Variants in ZP3 observed in about 807,000 individuals in gnomAD.
ZP3 encodes the protein zona pellucida sperm-binding protein 3.
In ZP3, 21 loss-of-function variants were observed where a neutral mutation model predicts 35.6. The ratio of observed to expected loss-of-function variants is 0.59; its 90% CI spans 0.42 to 0.85. The LOEUF (loss-of-function observed/expected upper bound fraction) is 0.85. Ranked by LOEUF, ZP3 falls within the 40% of genes least tolerant of loss-of-function variation. The pLI is 0.00. For missense variants in ZP3, 437 were observed against 536.5 expected (o/e 0.81, Z 1.83); for synonymous variants, 207 against 214.5 (o/e 0.96, Z 0.31).
chr7:76,433,433 G>T, intron 3 of ZP3, 37 bp from the exon 4 acceptor site: 1 of 1,594,208 alleles, frequency 6.3e-7, no homozygotes, highest in Non-Finnish European at 8.6e-7. Flanking sequence ...GGGATTACAG[G>T]CATGAGCCAC....
intron 1 of ZP3, among the ~76,000 whole-genome samples, chr7:76,403,301 G>A (rs1265044133): frequency 6.6e-6 from 1 of 152,058 alleles, no homozygotes; most frequent in Non-Finnish European, 1.5e-5. Context: ...CCTGCAGCCT[G>A]TACTTGTGTA....
chr7:76,415,669 G>A (rs1382667000), intron 1 of ZP3, among the ~76,000 whole-genome samples: 7 of 149,902 alleles, frequency 4.7e-5, no homozygotes, highest in Non-Finnish European at 1.5e-5. Flanking sequence ...AATTATTTTT[G>A]TATTTTTAGT....
intron 2 of ZP3, among the ~76,000 whole-genome samples, chr7:76,431,565 C>T (rs1001880479): frequency 6.6e-6 from 1 of 152,204 alleles, no homozygotes. Context: ...TCCAGGCTCT[C>T]GGTAGCATCT....
At chr7:76,430,019 C>T (rs183286213) in intron 2 of ZP3, among the ~76,000 whole-genome samples, 6 of 152,152 alleles carry the variant, frequency 3.9e-5, no homozygotes, top group Non-Finnish European at 8.8e-5. Context: ...TCAAGGAGTT[C>T]AAGACCAGTC....
At chr7:76,410,721 G>A (rs186366729) in intron 1 of ZP3, among the ~76,000 whole-genome samples, 5 of 152,156 alleles carry the variant, frequency 3.3e-5, no homozygotes, top group Admixed American at 6.6e-5. Flanking sequence ...TGTACCAGGC[G>A]AGGTGGCTCA....
chr7:76,398,585 G>T, intron 1 of ZP3: 1 of 1,009,250 alleles, frequency 9.9e-7, no homozygotes, highest in Non-Finnish European at 1.5e-6. Flanking sequence ...GATTACAGGT[G>T]TGAGCCACCA....
chr7:76,407,299 C>G (rs1388099447), intron 1 of ZP3, among the ~76,000 whole-genome samples: 1 of 151,896 alleles, frequency 6.6e-6, no homozygotes, highest in East Asian at 2.0e-4. Flanking sequence ...TGGCAGCTTA[C>G]TCCTGTGAGC....
chr7:76,432,862 C>T, intron 2 of ZP3, 65 bp from the exon 3 acceptor site: 2 of 1,402,276 alleles, frequency 1.4e-6, no homozygotes, highest in South Asian at 1.2e-5. Context: ...AGATACTCCC[C>T]ATCAGTGGGG....
chr7:76,427,426 G>T (rs377034159), intron 1 of ZP3, among the ~76,000 whole-genome samples: 21 of 148,726 alleles, frequency 1.4e-4, no homozygotes, highest in African/African-American at 5.2e-4. Flanking sequence ...CTGAGGCAGA[G>T]AATTGCTTGA....
chr7:76,433,454 T>A lies in ZP3; in HGVS notation c.536-16T>A, dbSNP rs1036357162. The stretch of plus-strand genomic sequence containing the variant: ...ACAGGCATGAGCCACCATGCCCAGC[T>A]GACTGTGTCTTTCAGAGAACTGGAA... On this transcript the variant is annotated splice_polypyrimidine_tract_variant and intron_variant, in intron 3 of 7. Transcript: ENST00000394857. 1 of 1,607,062 alleles carries A rather than the reference T, an allele frequency of 6.2e-7. No homozygotes were observed. Among genetic ancestry groups the A allele is most frequent in the African/African-American group, 1.3e-5 (1 of 74,864 alleles).
chr7:76,433,837 T>G, intron 4 of ZP3, 190 bp downstream of exon 4: 2 of 1,063,656 alleles, frequency 1.9e-6, no homozygotes, highest in Non-Finnish European at 2.7e-6. Flanking sequence ...TAGCTGAGAT[T>G]ACAGGTGCCC....
At chr7:76,405,519 A>G (rs1322520716) in intron 1 of ZP3, among the ~76,000 whole-genome samples, 1 of 150,100 alleles carries the variant, frequency 6.7e-6, no homozygotes, top group Admixed American at 6.7e-5. Flanking sequence ...ATGGTGACAC[A>G]TGTCTGTAGC....
chr7:76,422,966 C>A, upstream of ZP3, among the ~76,000 whole-genome samples: 1 of 147,478 alleles, frequency 6.8e-6, no homozygotes, highest in African/African-American at 2.5e-5. Context: ...CACTGCACTC[C>A]AGCCTGGGCG....
intron 2 of ZP3, among the ~76,000 whole-genome samples, chr7:76,430,487 G>C (rs1478479339): frequency 1.3e-5 from 2 of 152,150 alleles, no homozygotes; most frequent in African/African-American, 4.8e-5. Context: ...TGTAATACCA[G>C]CCCTTTGGGA....
At chr7:76,406,566 CT>C (rs1295960873) in intron 1 of ZP3, among the ~76,000 whole-genome samples, 14 of 151,982 alleles carry the variant, frequency 9.2e-5, no homozygotes, top group Admixed American at 7.9e-4. Context: ...TCACTGCAAC[CT>C]CCCTATCCTG....
upstream of ZP3, among the ~76,000 whole-genome samples, chr7:76,421,547 C>T (rs1805505129): frequency 1.3e-5 from 2 of 151,900 alleles, no homozygotes; most frequent in South Asian, 4.1e-4. Context: ...AGCCATTATG[C>T]CTGGCAGATT....
upstream of ZP3, among the ~76,000 whole-genome samples, chr7:76,421,087 C>T (rs1805494204): frequency 1.3e-5 from 2 of 152,026 alleles, no homozygotes; most frequent in Admixed American, 6.6e-5. Flanking sequence ...AGGCGTGTGC[C>T]ACCACGTCAG....
At chr7:76,411,018 G>GAAAAT (rs1805230619) in intron 1 of ZP3, among the ~76,000 whole-genome samples, 1 of 134,670 alleles carries the variant, frequency 7.4e-6, no homozygotes, top group African/African-American at 2.9e-5. Flanking sequence ...AAAAAAAAAA[G>GAAAAT]AAAAGAAAAT....
At chr7:76,435,535 T>C (rs796559122) in intron 5 of ZP3, among the ~76,000 whole-genome samples, 3 of 152,348 alleles carry the variant, frequency 2.0e-5, no homozygotes, top group African/African-American at 7.2e-5. Flanking sequence ...GTGATTAAAG[T>C]AGGGGTTTCC....
Sources: gnomAD v4.1 joint callset for allele counts (sites outside exome capture counted in the v4.1 genomes callset) on GRCh38, gnomAD v4.1.1 for gene constraint, MANE v1.5 for transcripts, NCBI Gene and HGNC (gene_info 2026-07-23, HGNC 2026-07-21) for gene names.